The following PCDHA13 variants were observed in gnomAD, a reference collection of about 807,000 sequenced individuals.
PCDHA13 encodes the protein protocadherin alpha-13.
PCDHA13 carries 54 observed loss-of-function variants against 64.8 expected under a neutral mutation model. The ratio of observed to expected loss-of-function variants is 0.83; its 90% confidence interval spans 0.67 to 1.04. The LOEUF (loss-of-function observed/expected upper bound fraction) is 1.04. PCDHA13 is among the 50% of genes least tolerant of loss of function. The pLI, the probability that PCDHA13 is intolerant of heterozygous loss-of-function variation, is 0.00. For synonymous variants in PCDHA13, 587 were observed against 564.4 expected (o/e 1.04, Z -0.57); for missense variants, 1,248 against 1,254.3 (o/e 0.99, Z 0.08).
intron 1 of PCDHA13, among the ~76,000 whole-genome samples, chr5:140,902,916 A>G (rs940228069): frequency 2.0e-5 from 3 of 152,174 alleles, no homozygotes; most frequent in African/African-American, 4.8e-5. Context: ...GCTGAGTAGT[A>G]TTGCATGGTG....
At chr5:140,921,435 A>C (rs997660613) in intron 1 of PCDHA13, among the ~76,000 whole-genome samples, 4 of 152,120 alleles carry the variant, frequency 2.6e-5, no homozygotes, top group African/African-American at 4.8e-5. Flanking sequence ...ATTTTCTTCA[A>C]TGGTGTCTGA....
intron 1 of PCDHA13, among the ~76,000 whole-genome samples, chr5:140,965,730 C>T (rs1554227819): frequency 6.6e-6 from 1 of 152,166 alleles, no homozygotes; most frequent in East Asian, 1.9e-4. Flanking sequence ...AAAAATTTTA[C>T]CAGATTTTCC....
chr5:140,889,928 G>A (rs554679699), intron 1 of PCDHA13, among the ~76,000 whole-genome samples: 98 of 152,304 alleles, frequency 6.4e-4, no homozygotes, highest in South Asian at 1.5e-3. Context: ...AGAAGCTCAA[G>A]CTGGACTTGT....
At chr5:140,990,862 AT>A (rs2097420167) in intron 3 of PCDHA13, among the ~76,000 whole-genome samples, 1 of 152,198 alleles carries the variant, frequency 6.6e-6, no homozygotes, top group Non-Finnish European at 1.5e-5. Flanking sequence ...AGGACATTGT[AT>A]TTTAAGTGTA....
intron 1 of PCDHA13, among the ~76,000 whole-genome samples, chr5:140,959,109 G>A (rs1401809702): frequency 1.3e-5 from 2 of 152,040 alleles, no homozygotes; most frequent in African/African-American, 4.8e-5. Context: ...GCAGGGGTCC[G>A]AAGGTGGGCG....
chr5:140,968,132 A>G, intron 1 of PCDHA13: 1 of 1,614,082 alleles, frequency 6.2e-7, no homozygotes, highest in Non-Finnish European at 8.5e-7. Flanking sequence ...GCGTACACTG[A>G]AGGTTGAGAT....
chr5:140,907,167 T>C (rs1200819434), intron 1 of PCDHA13, among the ~76,000 whole-genome samples: 3 of 152,166 alleles, frequency 2.0e-5, no homozygotes, highest in Non-Finnish European at 4.4e-5. Context: ...ATATATTGGA[T>C]GCTGATTCAG....
At chr5:140,914,414 C>A (rs1554196336) in intron 1 of PCDHA13, among the ~76,000 whole-genome samples, 1 of 152,038 alleles carries the variant, frequency 6.6e-6, no homozygotes, top group African/African-American at 2.4e-5. Context: ...GTTTTGTTTC[C>A]ATTAGCAAGG....
rs782014250 is a variant in PCDHA13, at chr5:140,883,952, G to T, written c.1684G>T (p.Ala562Ser). Residue 562 changes from alanine (A) to serine (S), a missense_variant, in exon 1 of 4, where the codon GCT (alanine) becomes TCT (serine). Physicochemically the swap from Ala to Ser is moderately conservative, Grantham distance 99. Transcript: ENST00000289272. ...QVFVLDENDN[A>S]PALLTPGAGS... The stretch of plus-strand genomic sequence containing the variant: ...GTTCGTGCTGGACGAGAACGACAAC[G>T]CTCCGGCGCTGCTGACGCCCGGGGC... 2.0e-5 allele frequency: 32 copies of T among 1,613,030 alleles called. No individual in the cohort carries two copies. The highest frequency in any genetic ancestry group is 2.6e-5 in the Non-Finnish European group (31 of 1,179,806).
chr5:140,946,631 T>TATATATATATATATATATATATATACAC lies in PCDHA13; in HGVS notation c.2395-32317_2395-32316insTATATATATATATATATATATATACACA, dbSNP rs57893927. 8.3e-4 allele frequency among the ~76,000 whole-genome samples: 109 copies of TATATATATATATATATATATATATACAC among 131,802 alleles called. 1 individual carries two copies. The highest frequency in any genetic ancestry group is 3.6e-3 in the African/African-American group (102 of 28,672). 86.5% of individuals were successfully genotyped at this position (131,802 alleles called of 152,430 possible). A position where few individuals can be genotyped will look rare whatever the true frequency, so the allele number is the denominator to read the frequency against. On this transcript the variant is annotated intron_variant, in intron 1 of 3. Transcript: ENST00000289272. ...TGTGAAATATATATATATATATATA[T>TATATATATATATATATATATATATACAC]ACAATGGAATACTCATCAGCCATTA...
chr5:140,967,529 C>A, intron 1 of PCDHA13: 1 of 1,613,244 alleles, frequency 6.2e-7, no homozygotes, highest in South Asian at 1.1e-5. Context: ...CGACAACTCT[C>A]CTGCCTTTGA....
intron 1 of PCDHA13, among the ~76,000 whole-genome samples, chr5:140,970,348 T>A (rs2096398928): frequency 6.6e-6 from 1 of 152,186 alleles, no homozygotes; most frequent in Admixed American, 6.5e-5. Context: ...ATTTTCTGGA[T>A]CTAAAATTTG....
At position 141,011,990 on chromosome 5, in the gene PCDHA13, T is replaced by C. The variant is rs1554263765; in HGVS notation, c.*2053T>C. On this transcript the variant is annotated 3_prime_UTR_variant, in exon 4 of 4. Transcript: ENST00000289272. ...ACTGTCTTGTCTACTTTTAGCTTCA[T>C]TCTCCCATATTTTGAAGGGTGTGTA... 1 of 153,772 alleles carries C rather than the reference T, an allele frequency of 6.5e-6. No homozygotes were observed. The highest frequency in any genetic ancestry group is 1.5e-5 in the Non-Finnish European group (1 of 68,038). 9.5% of individuals were successfully genotyped at this position (153,772 alleles called of 1,614,324 possible). A position where few individuals can be genotyped will look rare whatever the true frequency, so the allele number is the denominator to read the frequency against.
chr5:140,967,324 G>A, intron 1 of PCDHA13: 4 of 1,609,186 alleles, frequency 2.5e-6, no homozygotes, highest in Non-Finnish European at 3.4e-6. Context: ...AGACCTACGA[G>A]CTCAGCCCCA....
chr5:140,967,391 C>T, intron 1 of PCDHA13: 1 of 1,609,676 alleles, frequency 6.2e-7, no homozygotes, highest in South Asian at 1.1e-5. Flanking sequence ...AGTGCTTGAG[C>T]TGGTGCTGCG....
intron 1 of PCDHA13, among the ~76,000 whole-genome samples, chr5:140,935,798 G>T (rs1302798386): frequency 6.6e-6 from 1 of 151,552 alleles, no homozygotes; most frequent in Non-Finnish European, 1.5e-5. Context: ...ATATAAACGA[G>T]ATTATTTCAT....
chr5:141,009,935 T>C lies in PCDHA13; in HGVS notation c.2851T>C (p.Ter951ArgextTer53). The change falls in exon 4 of 4, where the codon TGA (stop) becomes CGA (arginine). Residue 951 changes from the stop codon to arginine, a stop_lost. Coordinates refer to ENST00000289272, the MANE Select transcript of PCDHA13 (RefSeq NM_018904.3). ...CAGCACGACTGACAACAGTGACCAG[T>C]GAGGTCCTCAAATGGAAACAAGCCA... ...GNSTTDNSDQ[*>R] 1.2e-6 allele frequency: 2 copies of C among 1,602,416 alleles called. No homozygotes were observed. The highest frequency in any genetic ancestry group is 1.7e-6 in the Non-Finnish European group (2 of 1,176,054).
chr5:140,968,734 C>T, intron 1 of PCDHA13: 1 of 1,614,162 alleles, frequency 6.2e-7, no homozygotes, highest in Non-Finnish European at 8.5e-7. Flanking sequence ...GTAGCACTTT[C>T]AACCTGACCG....
rs781970935 is a variant in PCDHA13 at position 140,982,505 on chromosome 5, A to G, written c.2484A>G (p.Leu828=). The change falls in exon 3 of 4, where the codon CTA becomes CTG. Residue 828 remains leucine (L), a synonymous_variant. Coordinates refer to ENST00000289272, the MANE Select transcript of PCDHA13 (RefSeq NM_018904.3). ...TGCACCTAGAGGAGGCTGGCATTCT[A>G]CGGGCTGGTCCAGGAGGGCCTGATC... ...SSVHLEEAGI[L]RAGPGGPDQQ... The G allele has an allele frequency of 1.2e-6, 2 of 1,614,220 alleles. No homozygotes were observed. The highest frequency in any genetic ancestry group is 8.5e-7 in the Non-Finnish European group (1 of 1,180,032).
Sources: gnomAD v4.1 joint callset for allele counts (sites outside exome capture counted in the v4.1 genomes callset) on GRCh38, gnomAD v4.1.1 for gene constraint, MANE v1.5 for transcripts, NCBI Gene and HGNC (gene_info 2026-07-23, HGNC 2026-07-21) for gene names.